The following RAPGEF4 variants were observed in gnomAD, a reference collection of about 807,000 sequenced individuals.
The protein encoded by RAPGEF4 is Rap guanine nucleotide exchange factor 4.
A neutral mutation model predicts 147.9 loss-of-function variants in RAPGEF4; 66 were observed. That is an observed-to-expected ratio of 0.45 (90% CI 0.37 to 0.55). The LOEUF (loss-of-function observed/expected upper bound fraction) is 0.55. Among genes scored for constraint, RAPGEF4 ranks in the 20% least tolerant of loss-of-function variants. The probability of loss-of-function intolerance (pLI) is 0.00; values close to 1 mark genes in which losing one functional copy is unlikely to be tolerated. For missense variants in RAPGEF4, 1,071 were observed against 1,257.3 expected (o/e 0.85, Z 2.24); for synonymous variants, 419 against 442.7 (o/e 0.95, Z 0.67).
intron 5 of RAPGEF4, among the ~76,000 whole-genome samples, chr2:172,920,172 G>T (rs67492029): frequency 0.065 from 9,951 of 152,082 alleles, 451 homozygotes; most frequent in East Asian, 0.24. Context: ...GATGTCAATA[G>T]TTTAATACTT....
At chr2:173,021,569 C>CAGAGCGAGACTCTGCCTCAAAAACAA (rs1170419880) in intron 23 of RAPGEF4, among the ~76,000 whole-genome samples, 18 of 152,206 alleles carry the variant, frequency 1.2e-4, no homozygotes, top group African/African-American at 4.3e-4. Flanking sequence ...GCCTGGGCAA[C>CAGAGCGAGACTCTGCCTCAAAAACAA]AGAGCGAGAC....
At chr2:172,804,604 C>T (rs1233546659) in intron 3 of RAPGEF4, among the ~76,000 whole-genome samples, 1 of 152,160 alleles carries the variant, frequency 6.6e-6, no homozygotes, top group Non-Finnish European at 1.5e-5. Flanking sequence ...CATTCTGCCT[C>T]TGCTCTCCTG....
chr2:172,838,170 A>G (rs954430304), intron 4 of RAPGEF4, among the ~76,000 whole-genome samples: 1 of 151,598 alleles, frequency 6.6e-6, no homozygotes, highest in East Asian at 1.9e-4. Flanking sequence ...ATTTCCTACA[A>G]GAAGTGACCT....
Position 173,027,094 on chromosome 2 carries a change from A to C in RAPGEF4, c.2393A>C (p.Tyr798Ser). The C allele has an allele frequency of 6.3e-7, 1 of 1,597,400 alleles. No homozygotes were observed. Among genetic ancestry groups the C allele is most frequent in the Non-Finnish European group, 8.5e-7 (1 of 1,175,496 alleles). Residue 798 changes from tyrosine (Y) to serine (S), a missense_variant, in exon 25 of 31, where the codon TAT (tyrosine) becomes TCT (serine). Transcript: ENST00000397081. The part of the protein sequence containing the change: ...FNCVHELELI[Y>S]HTFGRHNFKK... ...TTTATTTTCTAGCTGGAGCTAATCT[A>C]TCACACATTTGGAAGGCATAATTTT...
intron 6 of RAPGEF4, among the ~76,000 whole-genome samples, chr2:172,949,267 A>T (rs1419683674): frequency 6.6e-6 from 1 of 152,222 alleles, no homozygotes; most frequent in African/African-American, 2.4e-5. Context: ...CACCGCAGGG[A>T]TTCTGAGATA....
intron 17 of RAPGEF4, among the ~76,000 whole-genome samples, chr2:173,002,261 C>A (rs535569025): frequency 3.3e-5 from 5 of 152,288 alleles, no homozygotes; most frequent in Non-Finnish European, 5.9e-5. Flanking sequence ...ACCAAAATTT[C>A]TTTCTTTGTT....
chr2:172,960,312 A>T (rs1689153200), intron 6 of RAPGEF4, among the ~76,000 whole-genome samples: 1 of 152,226 alleles, frequency 6.6e-6, no homozygotes, highest in South Asian at 2.1e-4. Context: ...CAAATTGCAG[A>T]AAAAGAATCT....
intron 4 of RAPGEF4, among the ~76,000 whole-genome samples, chr2:172,900,923 T>A (rs1181866320): frequency 6.6e-6 from 1 of 152,240 alleles, no homozygotes; most frequent in African/African-American, 2.4e-5. Context: ...AGGTTCTTTT[T>A]TTCTTCCCAC....
intron 1 of RAPGEF4, among the ~76,000 whole-genome samples, chr2:172,793,053 A>G (rs1685984729): frequency 6.6e-6 from 1 of 152,190 alleles, no homozygotes; most frequent in Non-Finnish European, 1.5e-5. Flanking sequence ...ACTTCTCTGA[A>G]GGCTCTAGGG....
At chr2:172,811,343 C>A (rs1688003077) in intron 3 of RAPGEF4, among the ~76,000 whole-genome samples, 1 of 152,238 alleles carries the variant, frequency 6.6e-6, no homozygotes, top group Admixed American at 6.5e-5. Context: ...TAAATCTTTA[C>A]TTCCCTTTTG....
intron 3 of RAPGEF4, among the ~76,000 whole-genome samples, chr2:172,811,025 G>A (rs750045035): frequency 9.9e-5 from 15 of 152,244 alleles, no homozygotes; most frequent in Non-Finnish European, 1.8e-4. Flanking sequence ...TCTAGTAAGA[G>A]CATTTCCACT....
chr2:172,735,511 A>G (rs1284090083), upstream of RAPGEF4: 1 of 152,138 alleles, frequency 6.6e-6, no homozygotes, highest in Non-Finnish European at 1.5e-5. Flanking sequence ...TGCTGTATGA[A>G]AAATATATAG....
At chr2:173,048,792 TA>T in intron 30 of RAPGEF4, 138 bp downstream of exon 30, 1 of 1,470,644 alleles carries the variant, frequency 6.8e-7, no homozygotes, top group Non-Finnish European at 9.0e-7. Context: ...TTCCATGAGA[TA>T]GGGGCCTTGA....
intron 4 of RAPGEF4, among the ~76,000 whole-genome samples, chr2:172,847,438 C>T (rs1411281220): frequency 6.6e-6 from 1 of 152,212 alleles, no homozygotes; most frequent in African/African-American, 2.4e-5. Flanking sequence ...CCGTTCCACC[C>T]TGCCACCACC....
At chr2:173,051,075 C>T (rs1686173640) in intron 30 of RAPGEF4, among the ~76,000 whole-genome samples, 1 of 152,140 alleles carries the variant, frequency 6.6e-6, no homozygotes, top group Non-Finnish European at 1.5e-5. Flanking sequence ...ATAACTTCAG[C>T]CTGTGAGTTG....
chr2:172,793,982 G>A (rs550970232), intron 1 of RAPGEF4, among the ~76,000 whole-genome samples: 1 of 151,902 alleles, frequency 6.6e-6, no homozygotes, highest in Admixed American at 6.6e-5. Context: ...CAAAAAATTA[G>A]CTGGACGTGG....
At chr2:173,023,146 A>G (rs1274577142) in intron 23 of RAPGEF4, among the ~76,000 whole-genome samples, 1 of 152,224 alleles carries the variant, frequency 6.6e-6, no homozygotes, top group Non-Finnish European at 1.5e-5. Context: ...ACACGAGGAA[A>G]GGAAGATGCT....
At chr2:172,953,247 ATAT>A (rs1688395392) in intron 6 of RAPGEF4, among the ~76,000 whole-genome samples, 1 of 147,908 alleles carries the variant, frequency 6.8e-6, no homozygotes, top group Non-Finnish European at 1.5e-5. Flanking sequence ...TATCTATTAT[ATAT>A]TATATCTATT....
chr2:173,034,109 C>T (rs997983494), intron 27 of RAPGEF4, 145 bp downstream of exon 27: 2 of 698,564 alleles, frequency 2.9e-6, no homozygotes, highest in Non-Finnish European at 4.6e-6. Context: ...GCTGCTAAAA[C>T]AAGCATGTCT....
Sources: gnomAD v4.1 joint callset for allele counts (sites outside exome capture counted in the v4.1 genomes callset) on GRCh38, gnomAD v4.1.1 for gene constraint, MANE v1.5 for transcripts, NCBI Gene and HGNC (gene_info 2026-07-23, HGNC 2026-07-21) for gene names.